STX8: variants seen among roughly 807,000 people sequenced by gnomAD.
STX8 encodes syntaxin 8.
STX8 carries 23 observed loss-of-function variants against 37.5 expected under a neutral mutation model. That is an observed-to-expected ratio of 0.61 (90% CI 0.44 to 0.87). The LOEUF is 0.87. STX8 is among the 40% of genes least tolerant of loss of function. STX8 has a pLI of 0.00. For synonymous variants in STX8, 115 were observed against 99.1 expected (o/e 1.16, Z -0.95); for missense variants, 313 against 284.7 (o/e 1.10, Z -0.71).
chr17:9,488,519 T>C (rs1906703170), intron 6 of STX8, among the ~76,000 whole-genome samples: 1 of 152,090 alleles, frequency 6.6e-6, no homozygotes, highest in Non-Finnish European at 1.5e-5. Context: ...GGGCCCAATG[T>C]CATGACAAGG....
chr17:9,482,665 GCA>G (rs1264819483), intron 6 of STX8, among the ~76,000 whole-genome samples: 4 of 152,154 alleles, frequency 2.6e-5, no homozygotes, highest in Admixed American at 6.5e-5. Flanking sequence ...TGTAATCCCA[GCA>G]CTTTGGGAGG....
chr17:9,557,480 C>T lies in STX8; in HGVS notation c.166G>A (p.Ala56Thr), dbSNP rs762638614. The T allele has an allele frequency of 6.8e-6, 11 of 1,613,922 alleles. No homozygotes were observed. Among genetic ancestry groups the T allele is most frequent in the African/African-American group, 2.7e-5 (2 of 74,926 alleles). Residue 56 changes from alanine (A) to threonine (T), a missense_variant, in exon 3 of 8, where the codon GCC becomes ACC. Physicochemically the swap from Ala to Thr is moderately conservative, Grantham distance 58 (BLOSUM62 0). Transcript: ENST00000306357. ...CTTAGCAATAAGTCCTTCAAAAGGGCGATCTTTTCCTTCAGGTTCTGCAAC... is the reference window on the plus strand; with the variant it reads ...CTTAGCAATAAGTCCTTCAAAAGGGTGATCTTTTCCTTCAGGTTCTGCAAC... ...ALLQNLKEKI[A>T]LLKDLLLRAV...
chr17:9,437,384 A>G (rs1904474020), intron 6 of STX8, among the ~76,000 whole-genome samples: 2 of 152,330 alleles, frequency 1.3e-5, no homozygotes, highest in Middle Eastern at 3.4e-3. Flanking sequence ...ACCTACAAAT[A>G]TACATCCATT....
chr17:9,299,037 C>G (rs989719958), intron 7 of STX8, among the ~76,000 whole-genome samples: 1 of 152,120 alleles, frequency 6.6e-6, no homozygotes, highest in Non-Finnish European at 1.5e-5. Flanking sequence ...TTTGCGAGCC[C>G]TCTCTCACTT....
chr17:9,448,041 G>A (rs1003779334), intron 6 of STX8, among the ~76,000 whole-genome samples: 3 of 151,852 alleles, frequency 2.0e-5, no homozygotes, highest in East Asian at 2.0e-4. Flanking sequence ...TGGGCATGGC[G>A]GTGTGCGCCT....
At chr17:9,448,642 AAAT>A (rs1389628774) in intron 6 of STX8, among the ~76,000 whole-genome samples, 4 of 151,352 alleles carry the variant, frequency 2.6e-5, no homozygotes, top group Non-Finnish European at 5.9e-5. Context: ...TATGTATATA[AAAT>A]AATATGTCCT....
intron 6 of STX8, among the ~76,000 whole-genome samples, chr17:9,423,106 T>C (rs1244065388): frequency 6.6e-6 from 1 of 152,212 alleles, no homozygotes; most frequent in Non-Finnish European, 1.5e-5. Context: ...AGTGCATATA[T>C]ACATATCTGG....
intron 6 of STX8, among the ~76,000 whole-genome samples, chr17:9,404,347 T>G (rs998795262): frequency 3.9e-5 from 6 of 152,146 alleles, no homozygotes; most frequent in Admixed American, 2.0e-4. Flanking sequence ...CTTCTTTGCT[T>G]TTTCATTTCT....
intron 6 of STX8, among the ~76,000 whole-genome samples, chr17:9,463,861 T>C (rs1905498414): frequency 1.3e-5 from 2 of 151,476 alleles, no homozygotes; most frequent in South Asian, 4.2e-4. Flanking sequence ...TGAGCTGAGA[T>C]TGCGCCATTG....
At chr17:9,569,685 CG>C (rs1302616181) in intron 1 of STX8, 1 of 152,140 alleles carries the variant, frequency 6.6e-6, no homozygotes, top group African/African-American at 2.4e-5. Flanking sequence ...CGGTGGCTCA[CG>C]CTTGTAATCC....
At chr17:9,533,230 G>A (rs1227387956) in intron 4 of STX8, among the ~76,000 whole-genome samples, 1 of 152,186 alleles carries the variant, frequency 6.6e-6, no homozygotes, top group African/African-American at 2.4e-5. Flanking sequence ...GGCTTTCGGT[G>A]GCCGAGGCAG....
chr17:9,543,814 CCTAA>C (rs1372877141), intron 4 of STX8, among the ~76,000 whole-genome samples: 1 of 152,160 alleles, frequency 6.6e-6, no homozygotes, highest in African/African-American at 2.4e-5. Context: ...ATCACCCCTC[CCTAA>C]CTGACTCTTA....
chr17:9,253,213 T>TGTGTGTGTGTGG (rs1486160181), intron 7 of STX8, among the ~76,000 whole-genome samples: 2 of 147,618 alleles, frequency 1.4e-5, no homozygotes, highest in Non-Finnish European at 3.0e-5. Flanking sequence ...TAGGGGTGTG[T>TGTGTGTGTGTGG]GTGTGTGTGT....
At chr17:9,568,992 A>G (rs1597749881) in intron 1 of STX8, among the ~76,000 whole-genome samples, 1 of 152,238 alleles carries the variant, frequency 6.6e-6, no homozygotes, top group Admixed American at 6.5e-5. Context: ...CAGGAACGCT[A>G]TGAAGTGGGT....
chr17:9,273,904 T>C (rs17808583), intron 7 of STX8, among the ~76,000 whole-genome samples: 39,648 of 152,162 alleles, frequency 0.26, 5,316 homozygotes, highest in Admixed American at 0.32. Flanking sequence ...CTGCTCTCAG[T>C]GGTCCCTTCT....
At chr17:9,259,988 C>T (rs954121879) in intron 7 of STX8, among the ~76,000 whole-genome samples, 7 of 151,976 alleles carry the variant, frequency 4.6e-5, no homozygotes, top group African/African-American at 1.7e-4. Flanking sequence ...GAGGTCACGG[C>T]GGGTGGATTG....
At chr17:9,370,879 G>A (rs1340342191) in intron 7 of STX8, among the ~76,000 whole-genome samples, 1 of 150,718 alleles carries the variant, frequency 6.6e-6, no homozygotes, top group Admixed American at 6.6e-5. Flanking sequence ...ATACATAGAG[G>A]TACCAGTGGA....
chr17:9,553,847 T>G (rs1906859910), intron 3 of STX8: 1 of 152,182 alleles, frequency 6.6e-6, no homozygotes, highest in African/African-American at 2.4e-5. Context: ...TAATTCAGCT[T>G]TTAAACAATT....
chr17:9,264,094 A>G (rs547007054), intron 7 of STX8, among the ~76,000 whole-genome samples: 57 of 152,314 alleles, frequency 3.7e-4, no homozygotes, highest in Non-Finnish European at 1.6e-4. Flanking sequence ...AAATGGAGAG[A>G]CCACATGGAA....
Sources: gnomAD v4.1 joint callset for allele counts (sites outside exome capture counted in the v4.1 genomes callset) on GRCh38, gnomAD v4.1.1 for gene constraint, MANE v1.5 for transcripts, NCBI Gene and HGNC (gene_info 2026-07-23, HGNC 2026-07-21) for gene names.